The following CRACD variants were observed in gnomAD, a reference collection of about 807,000 sequenced individuals.
CRACD encodes capping protein inhibiting regulator of actin dynamics, also known as capping protein-inhibiting regulator of actin dynamics.
A neutral mutation model predicts 106.8 loss-of-function variants in CRACD; 56 were observed. That is an observed-to-expected ratio of 0.52 (90% confidence interval 0.42 to 0.66). CRACD has a LOEUF of 0.66. Among genes scored for constraint, CRACD ranks in the 30% least tolerant of loss-of-function variants. The pLI, the probability that CRACD is intolerant of heterozygous loss-of-function variation, is 0.00. For synonymous variants in CRACD, 754 were observed against 670.8 expected (o/e 1.12, Z -1.92); for missense variants, 1,730 against 1,623.2 (o/e 1.07, Z -1.13).
chr4:56,301,323 G>A (rs1235578127), intron 4 of CRACD: 6 of 1,015,206 alleles, frequency 5.9e-6, no homozygotes, highest in Non-Finnish European at 8.1e-6. Context: ...CGTGATGCTG[G>A]TATTGATGCT....
intron 1 of CRACD, among the ~76,000 whole-genome samples, chr4:56,132,509 AT>A (rs995081907): frequency 6.6e-6 from 1 of 151,226 alleles, no homozygotes; most frequent in Non-Finnish European, 1.5e-5. Flanking sequence ...CATTTGGTTA[AT>A]TTTTTTGTAT....
chr4:56,250,124 T>C (rs1230059918), intron 2 of CRACD, among the ~76,000 whole-genome samples: 4 of 152,148 alleles, frequency 2.6e-5, no homozygotes, highest in Non-Finnish European at 4.4e-5. Flanking sequence ...TTCCTCTTTA[T>C]TTTTTTCTTT....
chr4:56,124,802 T>C (rs192007217), intron 1 of CRACD, among the ~76,000 whole-genome samples: 5 of 152,186 alleles, frequency 3.3e-5, no homozygotes, highest in African/African-American at 7.2e-5. Context: ...AGAGTTGCTT[T>C]TCATTCCTGT....
At chr4:56,173,804 T>A (rs1197402499) in intron 1 of CRACD, among the ~76,000 whole-genome samples, 1 of 152,250 alleles carries the variant, frequency 6.6e-6, no homozygotes, top group Non-Finnish European at 1.5e-5. Context: ...CATACTGTTT[T>A]TTTGTGTCCA....
chr4:56,069,809 T>A (rs1732576828), intron 1 of CRACD, among the ~76,000 whole-genome samples: 1 of 152,118 alleles, frequency 6.6e-6, no homozygotes, highest in Admixed American at 6.5e-5. Flanking sequence ...AAAAAGAGAC[T>A]ATACCAGATC....
rs781654463 is a variant in CRACD at position 56,316,688 on chromosome 4, A to G, written c.3186A>G (p.Lys1062=). 3.7e-6 allele frequency: 6 copies of G among 1,604,830 alleles called. No homozygotes were observed. The African/African-American group carries it at 5.3e-5, about 14-fold the overall frequency. The part of the protein sequence containing the change: ...KPSQTPEAGR[K]EKPMLQSRHS... ...CTCAAACACCCGAGGCCGGGAGGAA[A>G]GGTAGGTAGCTGCAGGGTGGGTAAC... Residue 1062 remains lysine (K), a splice_region_variant and synonymous_variant, in exon 8 of 11, where the codon AAA becomes AAG. Transcript: ENST00000682029.
chr4:56,304,817 G>A (rs990400333), intron 4 of CRACD, among the ~76,000 whole-genome samples: 2 of 152,054 alleles, frequency 1.3e-5, no homozygotes, highest in African/African-American at 4.8e-5. Context: ...AATTTAAAAT[G>A]AAGTAAAGTT....
At chr4:56,129,354 C>T (rs1274693539) in intron 1 of CRACD, among the ~76,000 whole-genome samples, 1 of 152,194 alleles carries the variant, frequency 6.6e-6, no homozygotes, top group African/African-American at 2.4e-5. Flanking sequence ...GGGTATGAGC[C>T]CCACACCGGC....
intron 1 of CRACD, among the ~76,000 whole-genome samples, chr4:56,093,107 T>C (rs1387623215): frequency 6.6e-6 from 1 of 152,198 alleles, no homozygotes; most frequent in Non-Finnish European, 1.5e-5. Flanking sequence ...TTGTTTTTCT[T>C]TGGCAGTTTA....
chr4:56,053,437 G>A (rs779671074), intron 1 of CRACD, among the ~76,000 whole-genome samples: 7 of 151,970 alleles, frequency 4.6e-5, no homozygotes, highest in Admixed American at 2.0e-4. Context: ...GAATTAAGGC[G>A]TTTTTCAGGA....
At chr4:56,303,452 T>TAAC (rs1744488390) in intron 4 of CRACD, among the ~76,000 whole-genome samples, 1 of 152,046 alleles carries the variant, frequency 6.6e-6, no homozygotes, top group Admixed American at 6.6e-5. Flanking sequence ...TGGCTTATCT[T>TAAC]AACAGTCTGG....
At chr4:56,236,905 T>C (rs1740008926) in intron 2 of CRACD, among the ~76,000 whole-genome samples, 1 of 152,176 alleles carries the variant, frequency 6.6e-6, no homozygotes, top group Admixed American at 6.5e-5. Context: ...GAGAGGCATG[T>C]GTTGTTGGTG....
At chr4:56,072,367 C>T (rs930097502) in intron 1 of CRACD, among the ~76,000 whole-genome samples, 19 of 152,054 alleles carry the variant, frequency 1.2e-4, no homozygotes, top group African/African-American at 9.7e-5. Flanking sequence ...CAGACTGATT[C>T]GCTTTGTCAG....
intron 2 of CRACD, among the ~76,000 whole-genome samples, chr4:56,195,158 A>G (rs1345497803): frequency 9.2e-5 from 14 of 152,178 alleles, no homozygotes; most frequent in Admixed American, 9.2e-4. Flanking sequence ...GTTTAAGGAA[A>G]TACTTTATAC....
At chr4:56,220,174 G>C (rs1158917567) in intron 2 of CRACD, among the ~76,000 whole-genome samples, 3 of 152,176 alleles carry the variant, frequency 2.0e-5, no homozygotes, top group African/African-American at 7.2e-5. Flanking sequence ...TCTTATTACT[G>C]ATCAAGTGTT....
chr4:56,095,143 G>T (rs1436169019), intron 1 of CRACD, among the ~76,000 whole-genome samples: 2 of 152,140 alleles, frequency 1.3e-5, no homozygotes. Context: ...CCTGAGTCCA[G>T]GAGTTTGAGA....
rs1281394616 is a variant in CRACD at position 56,315,558 on chromosome 4, A to C, written c.2056A>C (p.Ser686Arg). ...LKNAESDPRS[S>R]ERDQLRPGDE... ...GAACGCAGAGAGTGACCCGCGCAGC[A>C]GCGAGAGGGACCAGTTGAGGCCCGG... Residue 686 changes from serine to arginine, a missense_variant, in exon 8 of 11, where the codon AGC becomes CGC. Ser to Arg is a moderately radical substitution (Grantham distance 110, BLOSUM62 -1). This residue lies in a region of CRACD where 1,620 missense variants were observed against 1,481.6 expected (regional missense o/e 1.09). Transcript: ENST00000682029. This position sits in a 1 kb window ranked among gnomAD's most constrained non-coding sequence, Gnocchi z 4.1. 2.5e-6 allele frequency: 4 copies of C among 1,614,024 alleles called. No homozygotes were observed. In the African/African-American group the frequency reaches 4.0e-5, roughly 16 times the overall value.
chr4:56,085,656 A>C (rs891028658), intron 1 of CRACD, among the ~76,000 whole-genome samples: 3 of 152,238 alleles, frequency 2.0e-5, no homozygotes, highest in Non-Finnish European at 4.4e-5. Context: ...TCCTTTAAAA[A>C]TGTAAAAACC....
intron 2 of CRACD, among the ~76,000 whole-genome samples, chr4:56,270,422 C>G (rs1410038585): frequency 6.6e-6 from 1 of 152,142 alleles, no homozygotes; most frequent in Non-Finnish European, 1.5e-5. Flanking sequence ...AATGAGACGT[C>G]TGGCTTGTTT....
Sources: allele counts gnomAD v4.1 joint callset (sites outside exome capture counted in the v4.1 genomes callset), GRCh38; gene constraint gnomAD v4.1.1; regional missense constraint gnomAD v4.1.1; non-coding constraint Gnocchi (gnomAD v3.1); transcripts MANE v1.5; gene names NCBI Gene and HGNC (gene_info 2026-07-23, HGNC 2026-07-21).